Variants in FIP1L1 observed in about 807,000 individuals in gnomAD.
The protein encoded by FIP1L1 is factor interacting with PAPOLA and CPSF1, also known as pre-mRNA 3'-end-processing factor FIP1.
A neutral mutation model predicts 84.6 loss-of-function variants in FIP1L1; 21 were observed. The ratio of observed to expected loss-of-function variants is 0.25; its 90% confidence interval spans 0.18 to 0.36. FIP1L1 has a LOEUF of 0.36. FIP1L1 is among the 10% of genes least tolerant of loss of function. The pLI is 1.00. For synonymous variants in FIP1L1, 263 were observed against 242.3 expected, an observed-to-expected ratio of 1.09 and a Z score of -0.80; for missense variants, 526 against 751.1, an observed-to-expected ratio of 0.70 and a Z score of 3.50.
At position 53,399,863 on chromosome 4, in the gene FIP1L1, A is replaced by G. The variant is rs536883056; in HGVS notation, c.815+24A>G. 7.1e-6 allele frequency: 10 copies of G among 1,412,482 alleles called. No individual in the cohort carries two copies. The African/African-American group carries it at 1.1e-4, about 16-fold the overall frequency. The allele number at this position is 1,412,482 out of a possible 1,614,324, so 87.5% of individuals were successfully genotyped here. On this transcript the variant is annotated intron_variant, in intron 10 of 17. Transcript: ENST00000337488. ...AGGTTAGTTACATAGTTATAACTCA[A>G]TTACTGTACGACATTGGTATCTTTA...
chr4:53,458,200 G>A (rs567464854), intron 16 of FIP1L1, among the ~76,000 whole-genome samples: 6 of 152,172 alleles, frequency 3.9e-5, no homozygotes, highest in African/African-American at 1.2e-4. Flanking sequence ...ATTGTGAGTC[G>A]TGTATTTTTA....
chr4:53,384,376 T>C (rs1160166431), intron 5 of FIP1L1, among the ~76,000 whole-genome samples: 1 of 151,576 alleles, frequency 6.6e-6, no homozygotes, highest in Non-Finnish European at 1.5e-5. Context: ...GCCACTGTAC[T>C]CCAGCCTGGG....
intron 9 of FIP1L1, among the ~76,000 whole-genome samples, chr4:53,397,630 A>G (rs532743137): frequency 6.6e-6 from 1 of 152,306 alleles, no homozygotes; most frequent in African/African-American, 2.4e-5. Context: ...GTGTAAACCA[A>G]ACAATCTGTA....
rs1214030369 is a variant in FIP1L1 at position 53,459,488 on chromosome 4, T to C, written c.*39T>C. The C allele has an allele frequency of 6.2e-7, 1 of 1,612,184 alleles. No homozygotes were observed. Among genetic ancestry groups the C allele is most frequent in the Admixed American group, 1.7e-5 (1 of 59,924 alleles). ...CTTTTGTGTATATTAGTACCAGAAGTAGATACTATAAATCTTGTTATTTTT... is the reference window on the plus strand; with the variant it reads ...CTTTTGTGTATATTAGTACCAGAAGCAGATACTATAAATCTTGTTATTTTT... On this transcript the variant is annotated 3_prime_UTR_variant, in exon 18 of 18. Coordinates refer to ENST00000337488, the MANE Select transcript of FIP1L1 (RefSeq NM_030917.4).
chr4:53,381,750 A>ATTTTTT (rs1233462083), intron 3 of FIP1L1, among the ~76,000 whole-genome samples: 101 of 62,938 alleles, frequency 1.6e-3, no homozygotes, highest in South Asian at 4.7e-3. Context: ...AGGCATTTGC[A>ATTTTTT]TTCTTTTTTT....
chr4:53,382,438 A>C (rs1449267772), intron 4 of FIP1L1, 103 bp downstream of exon 4: 117 of 845,996 alleles, frequency 1.4e-4, no homozygotes, highest in Admixed American at 2.2e-4. Flanking sequence ...CTTCAGTATC[A>C]GGTGTTATCT....
At chr4:53,382,565 G>C (rs74696085) in intron 4 of FIP1L1, among the ~76,000 whole-genome samples, 4,730 of 152,320 alleles carry the variant, frequency 0.031, 119 homozygotes, top group East Asian at 0.072. Flanking sequence ...GCAAAGGCTT[G>C]ATGTTTATTG....
intron 1 of FIP1L1, 169 bp downstream of exon 1, chr4:53,378,092 G>T: frequency 9.1e-6 from 5 of 550,082 alleles, no homozygotes; most frequent in Non-Finnish European, 3.0e-6. Flanking sequence ...CAGTCCCCGC[G>T]GCGGTCTCCC....
intron 13 of FIP1L1, among the ~76,000 whole-genome samples, chr4:53,430,627 A>G (rs988963903): frequency 1.3e-5 from 2 of 151,734 alleles, no homozygotes; most frequent in African/African-American, 2.4e-5. Flanking sequence ...ATGAACCACT[A>G]CCCCTGACCA....
intron 15 of FIP1L1, among the ~76,000 whole-genome samples, chr4:53,449,522 AT>A (rs1459626104): frequency 6.6e-6 from 1 of 152,110 alleles, no homozygotes; most frequent in African/African-American, 2.4e-5. Flanking sequence ...TGTGTTTCTA[AT>A]TATTTAGGAT....
At chr4:53,427,527 C>G (rs543816933) in intron 12 of FIP1L1, among the ~76,000 whole-genome samples, 1 of 152,298 alleles carries the variant, frequency 6.6e-6, no homozygotes, top group South Asian at 2.1e-4. Context: ...TGCTTGCAGT[C>G]TGTTGACACA....
rs191367135 is a variant in FIP1L1 at position 53,447,587 on chromosome 4, C to G, written c.1285+3484C>G. ...ATTATGAATGTGTAAATATTGTGCA[C>G]TGCAGAGATAATTATACACCCAAGC... On this transcript the variant is annotated intron_variant, in intron 15 of 17. Coordinates refer to ENST00000337488, the MANE Select transcript of FIP1L1 (RefSeq NM_030917.4). Among the ~76,000 whole-genome samples, 4 of 152,220 alleles carry G rather than the reference C, an allele frequency of 2.6e-5. No homozygotes were observed. In the East Asian group the frequency reaches 7.7e-4, roughly 29 times the overall value.
chr4:53,383,987 TA>T, intron 5 of FIP1L1, 111 bp downstream of exon 5: 1 of 1,029,562 alleles, frequency 9.7e-7, no homozygotes, highest in Non-Finnish European at 1.4e-6. Flanking sequence ...TTTTCTATTT[TA>T]ACATAAAAGA....
At chr4:53,415,892 G>A (rs1759285600) in intron 11 of FIP1L1, among the ~76,000 whole-genome samples, 1 of 152,164 alleles carries the variant, frequency 6.6e-6, no homozygotes, top group African/African-American at 2.4e-5. Context: ...TCTTAGAGTA[G>A]TGTCAGTTGC....
intron 13 of FIP1L1, among the ~76,000 whole-genome samples, chr4:53,435,555 T>C (rs748496218): frequency 7.2e-5 from 11 of 152,156 alleles, no homozygotes; most frequent in Non-Finnish European, 1.3e-4. Flanking sequence ...AATAGAAGAG[T>C]AACAGATCCT....
intron 10 of FIP1L1, among the ~76,000 whole-genome samples, chr4:53,403,991 A>G (rs897737554): frequency 1.1e-4 from 16 of 144,948 alleles, no homozygotes; most frequent in African/African-American, 3.8e-4. Flanking sequence ...GGTCATCTCC[A>G]GTCATCGTAT....
intron 11 of FIP1L1, among the ~76,000 whole-genome samples, chr4:53,425,201 C>A (rs1763853372): frequency 6.6e-6 from 1 of 152,050 alleles, no homozygotes; most frequent in Non-Finnish European, 1.5e-5. Context: ...TAGCTTTTAA[C>A]ATTATTTTAT....
intron 15 of FIP1L1, among the ~76,000 whole-genome samples, chr4:53,445,666 T>C (rs1479285326): frequency 1.3e-5 from 2 of 152,168 alleles, no homozygotes; most frequent in African/African-American, 4.8e-5. Flanking sequence ...AACATTCTCA[T>C]GCAGTTTCCT....
At chr4:53,407,105 G>C (rs1235760043) in intron 10 of FIP1L1, among the ~76,000 whole-genome samples, 1 of 152,022 alleles carries the variant, frequency 6.6e-6, no homozygotes, top group South Asian at 2.1e-4. Context: ...TGATGTTAGG[G>C]TGTCAATTTT....
Sources: allele counts gnomAD v4.1 joint callset (sites outside exome capture counted in the v4.1 genomes callset), GRCh38; gene constraint gnomAD v4.1.1; transcripts MANE v1.5; gene names NCBI Gene and HGNC (gene_info 2026-07-23, HGNC 2026-07-21).